The following LRP1B variants were observed in gnomAD, a reference collection of about 807,000 sequenced individuals.
The protein encoded by LRP1B is LDL receptor related protein 1B, also known as low-density lipoprotein receptor-related protein 1B.
A neutral mutation model predicts 556.6 loss-of-function variants in LRP1B; 217 were observed. The ratio of observed to expected loss-of-function variants is 0.39; its 90% CI spans 0.35 to 0.44. The LOEUF (loss-of-function observed/expected upper bound fraction) is 0.44. Among genes scored for constraint, LRP1B ranks in the 20% least tolerant of loss-of-function variants. The probability of loss-of-function intolerance (pLI) is 1.00; values close to 1 mark genes in which losing one functional copy is unlikely to be tolerated. For missense variants in LRP1B, 5,053 were observed against 5,620.8 expected, an observed-to-expected ratio of 0.90 and a Z score of 3.23; for synonymous variants, 2,047 against 1,865.8, an observed-to-expected ratio of 1.10 and a Z score of -2.50.
At chr2:140,980,095 C>A (rs1429362) in intron 18 of LRP1B, among the ~76,000 whole-genome samples, 44,396 of 151,052 alleles carry the variant, frequency 0.29, 6,961 homozygotes, top group East Asian at 0.49. Flanking sequence ...TTGCCCTAGG[C>A]CTATTAAAAA....
intron 21 of LRP1B, among the ~76,000 whole-genome samples, chr2:140,914,346 G>A (rs1013524187): frequency 5.3e-5 from 8 of 152,138 alleles, no homozygotes; most frequent in Non-Finnish European, 1.2e-4. Context: ...CTAGGACTTG[G>A]AAAATGATTT....
chr2:141,561,412 T>C (rs1686142939), intron 2 of LRP1B, among the ~76,000 whole-genome samples: 1 of 151,760 alleles, frequency 6.6e-6, no homozygotes, highest in Non-Finnish European at 1.5e-5. Context: ...CAAAATAAAT[T>C]TAAAAGTTAA....
intron 66 of LRP1B, among the ~76,000 whole-genome samples, chr2:140,439,178 A>T (rs937164555): frequency 6.6e-6 from 1 of 152,176 alleles, no homozygotes; most frequent in South Asian, 2.1e-4. Context: ...AGGTGAAAAA[A>T]GTTTGAAGTT....
chr2:140,897,640 A>G (rs1401171410), intron 23 of LRP1B, among the ~76,000 whole-genome samples: 2 of 152,202 alleles, frequency 1.3e-5, no homozygotes. Flanking sequence ...CTAGGATAAA[A>G]GCAGGCAGAG....
In LRP1B at chr2:141,015,925, TA is replaced by T. The variant is rs745470765; in HGVS notation, c.1971-11del. 4 of 1,603,800 alleles carry T rather than the reference TA, an allele frequency of 2.5e-6. No individual in the cohort carries two copies. In the South Asian group the frequency reaches 3.3e-5, roughly 13 times the overall value. ...TGTCCAATACATCCAACTAAGACAT[TA>T]AAAAAACAACAAAAATGCATACATG... On this transcript the variant is annotated splice_polypyrimidine_tract_variant and intron_variant, in intron 12 of 90. Coordinates refer to ENST00000389484, the MANE Select transcript of LRP1B (RefSeq NM_018557.3).
intron 1 of LRP1B, among the ~76,000 whole-genome samples, chr2:142,124,361 T>A (rs1439456088): frequency 6.7e-6 from 1 of 150,126 alleles, no homozygotes; most frequent in African/African-American, 2.4e-5. Flanking sequence ...AAAATCATAA[T>A]TGGGTACCTA....
chr2:141,646,302 T>C (rs553762567), intron 2 of LRP1B, among the ~76,000 whole-genome samples: 8 of 152,118 alleles, frequency 5.3e-5, no homozygotes, highest in Non-Finnish European at 1.2e-4. Context: ...AGAGATATAA[T>C]TCATTACAAG....
At chr2:141,955,902 C>A (rs368035871) in intron 1 of LRP1B, among the ~76,000 whole-genome samples, 10 of 151,964 alleles carry the variant, frequency 6.6e-5, no homozygotes, top group African/African-American at 2.4e-4. Flanking sequence ...ATACATAATC[C>A]ATTTATAAAG....
intron 66 of LRP1B, among the ~76,000 whole-genome samples, chr2:140,390,807 A>ACACACAC (rs879557458): frequency 1.5e-5 from 2 of 135,582 alleles, no homozygotes; most frequent in Non-Finnish European, 3.3e-5. Context: ...CACACACACA[A>ACACACAC]CATATTTGAG....
chr2:140,335,960 T>C (rs1365587985), intron 77 of LRP1B, 122 bp from the exon 78 acceptor site: 23 of 656,880 alleles, frequency 3.5e-5, no homozygotes, highest in Admixed American at 2.6e-4. Context: ...AATTGCTATA[T>C]AGATGTCAAA....
At chr2:140,773,645 G>C (rs1163911814) in intron 33 of LRP1B, among the ~76,000 whole-genome samples, 1 of 147,116 alleles carries the variant, frequency 6.8e-6, no homozygotes, top group Non-Finnish European at 1.5e-5. Flanking sequence ...GATATATAGA[G>C]AGAACTATAT....
chr2:141,186,432 T>C (rs1681262521), intron 7 of LRP1B, among the ~76,000 whole-genome samples: 1 of 152,044 alleles, frequency 6.6e-6, no homozygotes, highest in South Asian at 2.1e-4. Flanking sequence ...CGTTCTTAGA[T>C]AGAATCACAT....
At chr2:141,850,657 A>T (rs1046501837) in intron 1 of LRP1B, among the ~76,000 whole-genome samples, 15 of 89,384 alleles carry the variant, frequency 1.7e-4, no homozygotes, top group South Asian at 5.9e-4. Context: ...TGTGTGTGTG[A>T]GCATGTACAC....
At chr2:140,695,507 T>G (rs1382782588) in intron 41 of LRP1B, among the ~76,000 whole-genome samples, 1 of 152,214 alleles carries the variant, frequency 6.6e-6, no homozygotes, top group Admixed American at 6.5e-5. Flanking sequence ...CTGTAGCATC[T>G]ATGTAGCCTG....
At chr2:140,962,256 T>C (rs1022956010) in intron 18 of LRP1B, among the ~76,000 whole-genome samples, 9 of 152,064 alleles carry the variant, frequency 5.9e-5, no homozygotes, top group African/African-American at 1.9e-4. Context: ...TCATGTAGAA[T>C]TGTCATCTCC....
At chr2:141,342,314 C>G (rs1285337110) in intron 3 of LRP1B, among the ~76,000 whole-genome samples, 1 of 145,798 alleles carries the variant, frequency 6.9e-6, no homozygotes, top group East Asian at 2.0e-4. Flanking sequence ...GTATCATAAC[C>G]CAATATCATT....
rs1406658875 is a variant in LRP1B at position 140,702,193 on chromosome 2, C to T, written c.6250G>A (p.Val2084Met). The change falls in exon 39 of 91, where the codon GTG becomes ATG. Residue 2084 changes from valine (V) to methionine (M), a missense_variant. Physicochemically the swap from Val to Met is conservative, Grantham distance 21 (BLOSUM62 1). Transcript: ENST00000389484. ...NREMVLSGSN[V>M]DMFSVAVFGA... The stretch of plus-strand genomic sequence containing the variant: ...AAGACTGCAACTGAAAACATATCCA[C>T]ATTGCTTCCTGACAGCACCATCTCG... The T allele has an allele frequency of 1.2e-6, 2 of 1,613,656 alleles. No homozygotes were observed. Among genetic ancestry groups the T allele is most frequent in the Admixed American group, 3.3e-5 (2 of 59,912 alleles).
At chr2:140,860,568 T>G (rs937376950) in intron 27 of LRP1B, among the ~76,000 whole-genome samples, 4 of 152,016 alleles carry the variant, frequency 2.6e-5, no homozygotes, top group African/African-American at 9.7e-5. Flanking sequence ...ACATGAAAAA[T>G]AAGTTTCTAC....
At chr2:141,610,834 C>T (rs60751262) in intron 2 of LRP1B, among the ~76,000 whole-genome samples, 1,833 of 152,252 alleles carry the variant, frequency 0.012, 42 homozygotes, top group African/African-American at 0.042. Context: ...ATAAGGAACA[C>T]GCTGCCTATT....
Sources: gnomAD v4.1 joint callset for allele counts (sites outside exome capture counted in the v4.1 genomes callset) on GRCh38, gnomAD v4.1.1 for gene constraint, MANE v1.5 for transcripts, NCBI Gene and HGNC (gene_info 2026-07-23, HGNC 2026-07-21) for gene names.